The following CLNK variants were observed in gnomAD, a reference collection of about 807,000 sequenced individuals.
CLNK encodes cytokine-dependent hematopoietic cell linker.
CLNK carries 74 observed loss-of-function variants against 68.6 expected under a neutral mutation model. The ratio of observed to expected loss-of-function variants is 1.08; its 90% CI spans 0.89 to 1.31. The LOEUF (loss-of-function observed/expected upper bound fraction) is 1.31, where lower values mean the gene tolerates loss of function less well. CLNK is among the 50% of genes most tolerant of loss of function. The probability of loss-of-function intolerance (pLI) is 0.00; values close to 1 mark genes in which losing one functional copy is unlikely to be tolerated. For missense variants in CLNK, 553 were observed against 515.3 expected, an observed-to-expected ratio of 1.07 and a Z score of -0.71; for synonymous variants, 198 against 172.2, an observed-to-expected ratio of 1.15 and a Z score of -1.17.
At chr4:10,571,404 G>T (rs942220815) in intron 5 of CLNK, among the ~76,000 whole-genome samples, 2 of 141,068 alleles carry the variant, frequency 1.4e-5, no homozygotes, top group Non-Finnish European at 3.0e-5. Flanking sequence ...GTGCTATCTC[G>T]GCTCACTGCA....
chr4:10,721,328 GA>G, the CLNK span, among the ~76,000 whole-genome samples: 6 of 152,254 alleles, frequency 3.9e-5, 1 homozygote, highest in African/African-American at 9.6e-5. Flanking sequence ...ACCACTGGGG[GA>G]AAATGGGTAA....
intron 3 of CLNK, among the ~76,000 whole-genome samples, chr4:10,592,053 C>T (rs908263709): frequency 3.3e-5 from 5 of 152,220 alleles, no homozygotes; most frequent in Admixed American, 6.5e-5. Context: ...CCTGCCCTGC[C>T]GGGGCCTGTC....
At chr4:10,618,834 A>C (rs1213508637) in intron 2 of CLNK, among the ~76,000 whole-genome samples, 2 of 152,202 alleles carry the variant, frequency 1.3e-5, no homozygotes, top group Non-Finnish European at 2.9e-5. Context: ...CATCAAGGGG[A>C]TGGTGCTAAC....
intron 8 of CLNK, among the ~76,000 whole-genome samples, chr4:10,554,617 A>T (rs764922050): frequency 1.3e-5 from 2 of 152,216 alleles, no homozygotes; most frequent in Non-Finnish European, 2.9e-5. Context: ...ACTTTGAATG[A>T]GCATTATATC....
At chr4:10,625,914 C>G (rs957383110) in intron 2 of CLNK, among the ~76,000 whole-genome samples, 1 of 152,248 alleles carries the variant, frequency 6.6e-6, no homozygotes. Context: ...GGGAAGGAAG[C>G]CAATGTGTTA....
At position 10,643,056 on chromosome 4, in the gene CLNK, C is replaced by T. The variant is rs139673823; in HGVS notation, c.11+24803G>A. On this transcript the variant is annotated intron_variant, in intron 2 of 18. Transcript: ENST00000226951. Reference sequence around the variant, plus strand: ...AATAGACATGATACTTAAAACCGTGCGGTTCAGTTTCAGGATGTAAGTGTT... The same window carrying T: ...AATAGACATGATACTTAAAACCGTGTGGTTCAGTTTCAGGATGTAAGTGTT... Among the ~76,000 whole-genome samples the T allele has an allele frequency of 1.3e-4, 20 of 152,258 alleles. No individual in the cohort carries two copies. The East Asian group carries it at 2.5e-3, about 19-fold the overall frequency.
the CLNK span, among the ~76,000 whole-genome samples, chr4:10,721,479 G>C: frequency 6.6e-6 from 1 of 152,194 alleles, no homozygotes; most frequent in Non-Finnish European, 1.5e-5. Flanking sequence ...CTACTTCTGA[G>C]TCATGTTGTA....
rs147250261 is a variant in CLNK at position 10,582,003 on chromosome 4, A to T, written c.112+2924T>A. On this transcript the variant is annotated intron_variant, in intron 4 of 18. Coordinates refer to ENST00000226951, the MANE Select transcript of CLNK (RefSeq NM_052964.4). ...ACCATATGCCTGCCAAAGAGCGTAA[A>T]CCCTAACATGGGCTAGAAAATATTC... 2.3e-3 allele frequency among the ~76,000 whole-genome samples: 352 copies of T among 152,234 alleles called. 6 individuals carry two copies. Among genetic ancestry groups the T allele is most frequent in the Non-Finnish European group, 1.6e-3 (110 of 68,016 alleles).
At chr4:10,732,700 A>G in the CLNK span, among the ~76,000 whole-genome samples, 1 of 151,994 alleles carries the variant, frequency 6.6e-6, no homozygotes, top group Non-Finnish European at 1.5e-5. Context: ...CACATTATAA[A>G]TATATATATG....
chr4:10,698,395 G>A, the CLNK span, among the ~76,000 whole-genome samples: 18 of 152,086 alleles, frequency 1.2e-4, no homozygotes, highest in African/African-American at 4.1e-4. Flanking sequence ...CCATTATTAC[G>A]CCCTTAGTAA....
chr4:10,559,164 G>A (rs1719792766), intron 7 of CLNK, among the ~76,000 whole-genome samples: 1 of 152,094 alleles, frequency 6.6e-6, no homozygotes, highest in Non-Finnish European at 1.5e-5. Flanking sequence ...GATCATAAAG[G>A]GGTCCCTACG....
intron 2 of CLNK, among the ~76,000 whole-genome samples, chr4:10,638,880 A>T (rs1013855751): frequency 7.2e-5 from 11 of 152,148 alleles, no homozygotes; most frequent in Admixed American, 2.0e-4. Flanking sequence ...GTCCCCTCTG[A>T]ACGTCTGTGC....
rs190030710 is a variant in CLNK, at chr4:10,679,012, C to A, written c.-43+5656G>T. On this transcript the variant is annotated intron_variant, in intron 1 of 18. Coordinates refer to ENST00000226951, the MANE Select transcript of CLNK (RefSeq NM_052964.4). ...TTTTTTCACTGAATTGGAAAAAAAACTACTTTAAAGTTCATATGGAAGCAA... is the reference window on the plus strand; with the variant it reads ...TTTTTTCACTGAATTGGAAAAAAAAATACTTTAAAGTTCATATGGAAGCAA... Among the ~76,000 whole-genome samples the A allele has an allele frequency of 1.5e-4, 23 of 152,248 alleles. No individual in the cohort carries two copies. The East Asian group carries it at 4.2e-3, about 28-fold the overall frequency.
At chr4:10,580,956 C>G (rs1420741418) in intron 4 of CLNK, among the ~76,000 whole-genome samples, 1 of 152,214 alleles carries the variant, frequency 6.6e-6, no homozygotes, top group African/African-American at 2.4e-5. Context: ...CATTCGTTAA[C>G]TCATTCAGAG....
At chr4:10,552,005 G>T (rs562271762) in intron 8 of CLNK, among the ~76,000 whole-genome samples, 1 of 151,998 alleles carries the variant, frequency 6.6e-6, no homozygotes, top group Non-Finnish European at 1.5e-5. Flanking sequence ...GCGTCAGAAC[G>T]CTGGGCTAAT....
At chr4:10,553,342 A>G (rs933674000) in intron 8 of CLNK, among the ~76,000 whole-genome samples, 1 of 152,308 alleles carries the variant, frequency 6.6e-6, no homozygotes, top group Admixed American at 6.5e-5. Flanking sequence ...CCTCTTGGAG[A>G]TCCACAATGC....
intron 2 of CLNK, 105 bp from the exon 3 acceptor site, chr4:10,598,154 G>GTAAT: frequency 1.4e-6 from 1 of 731,604 alleles, no homozygotes; most frequent in South Asian, 1.7e-5. Context: ...TCAGATTTAA[G>GTAAT]TAATTATGTC....
intron 2 of CLNK, among the ~76,000 whole-genome samples, chr4:10,666,495 A>C (rs1447298719): frequency 6.6e-6 from 1 of 152,198 alleles, no homozygotes; most frequent in Non-Finnish European, 1.5e-5. Flanking sequence ...CATTTCCCAC[A>C]GTCAAAGGAA....
the CLNK span, among the ~76,000 whole-genome samples, chr4:10,705,989 G>A: frequency 1.5e-4 from 23 of 152,338 alleles, no homozygotes; most frequent in South Asian, 2.3e-3. Context: ...TGACTCAAAG[G>A]TCTTCTGTTT....
Sources: gnomAD v4.1 joint callset for allele counts (sites outside exome capture counted in the v4.1 genomes callset) on GRCh38, gnomAD v4.1.1 for gene constraint, MANE v1.5 for transcripts, NCBI Gene and HGNC (gene_info 2026-07-23, HGNC 2026-07-21) for gene names.